The following DNAJC5 variants were observed in gnomAD, a reference collection of about 807,000 sequenced individuals.
The protein encoded by DNAJC5 is dnaJ homolog subfamily C member 5.
A neutral mutation model predicts 23.2 loss-of-function variants in DNAJC5; 1 was observed. The observed-to-expected ratio is 0.04, with a 90% CI of 0.02 to 0.20. The LOEUF (loss-of-function observed/expected upper bound fraction) is 0.20, where lower values mean the gene tolerates loss of function less well. Ranked by LOEUF, DNAJC5 falls within the 10% of genes least tolerant of loss-of-function variation. DNAJC5 has a pLI of 1.00. For missense variants in DNAJC5, 180 were observed against 267.0 expected (o/e 0.67, Z 2.27); for synonymous variants, 136 against 120.0 (o/e 1.13, Z -0.87).
Position 63,931,006 on chromosome 20 carries a change from G to A in DNAJC5, c.477G>A (p.Leu159=), listed in dbSNP as rs1457272157. The change falls in exon 4 of 5, where the codon CTG becomes CTA. Residue 159 remains leucine (L), a synonymous_variant. Coordinates refer to ENST00000360864, the MANE Select transcript of DNAJC5 (RefSeq NM_025219.3). This position sits in a 1 kb window ranked among gnomAD's most constrained non-coding sequence, Gnocchi z 9.6. ...CCCCCGAGGATCTGGAGGCACAGCT[G>A]CAGTCTGACGAGAGGGGTGAGTGCC... ...YVSPEDLEAQ[L]QSDEREATDT... 3 of 1,613,906 alleles carry A rather than the reference G, an allele frequency of 1.9e-6. No homozygotes were observed. Among genetic ancestry groups the A allele is most frequent in the Non-Finnish European group, 1.7e-6 (2 of 1,180,038 alleles).
At chr20:63,913,975 C>T (rs1378067364) in intron 1 of DNAJC5, among the ~76,000 whole-genome samples, 1 of 152,216 alleles carries the variant, frequency 6.6e-6, no homozygotes, top group African/African-American at 2.4e-5. Context: ...GCACTCCATC[C>T]TCCCACCCCT....
At chr20:63,912,057 C>G (rs940813727) in intron 1 of DNAJC5, among the ~76,000 whole-genome samples, 6 of 152,114 alleles carry the variant, frequency 3.9e-5, no homozygotes, top group Non-Finnish European at 5.9e-5. Context: ...AATCCCATCA[C>G]TTTGGGAGGC....
chr20:63,931,564 A>G lies in DNAJC5; in HGVS notation c.593A>G (p.Asn198Ser), dbSNP rs778299599. ...CCCAGCTACCACACTGACGGGTTCAACTAAATCCAGGAGGAGCTGTGGTCA... is the reference window on the plus strand; with the variant it reads ...CCCAGCTACCACACTGACGGGTTCAGCTAAATCCAGGAGGAGCTGTGGTCA... ...SHPSYHTDGF[N>S] Residue 198 changes from asparagine (N) to serine (S), a missense_variant, in exon 5 of 5, where the codon AAC becomes AGC. This residue lies in a region of DNAJC5 where 97 missense variants were observed against 123.4 expected (regional missense o/e 0.79). Coordinates refer to ENST00000360864, the MANE Select transcript of DNAJC5 (RefSeq NM_025219.3). This position sits in a 1 kb window ranked among gnomAD's most constrained non-coding sequence, Gnocchi z 9.6. 8 of 1,566,408 alleles carry G rather than the reference A, an allele frequency of 5.1e-6. No individual in the cohort carries two copies. The East Asian group carries it at 7.1e-5, about 14-fold the overall frequency.
chr20:63,912,730 C>T (rs1271733810), intron 1 of DNAJC5, among the ~76,000 whole-genome samples: 2 of 152,188 alleles, frequency 1.3e-5, no homozygotes. Flanking sequence ...GACTCAGCCT[C>T]ACGAGTAGCT....
rs1254202354 is a variant in DNAJC5 at position 63,896,396 on chromosome 20, G to T, written c.-12+1073G>T. Among the ~76,000 whole-genome samples, 11 of 152,196 alleles carry T rather than the reference G, an allele frequency of 7.2e-5. 1 individual carries two copies. Among genetic ancestry groups the T allele is most frequent in the Admixed American group, 7.2e-4 (11 of 15,272 alleles). On this transcript the variant is annotated intron_variant, in intron 1 of 4. Coordinates refer to ENST00000360864, the MANE Select transcript of DNAJC5 (RefSeq NM_025219.3). ...GTGTCGGTGCTGTAGGACTCGGGGT[G>T]GCTCCAGCTGGCGTCTGGCCCAGCA...
intron 1 of DNAJC5, among the ~76,000 whole-genome samples, chr20:63,902,336 G>T (rs1378146688): frequency 1.3e-5 from 2 of 151,012 alleles, no homozygotes; most frequent in Admixed American, 6.6e-5. Flanking sequence ...TTACAGGCGT[G>T]AGCCACTGCT....
At chr20:63,905,015 G>C (rs2053438246) in intron 1 of DNAJC5, among the ~76,000 whole-genome samples, 1 of 151,596 alleles carries the variant, frequency 6.6e-6, no homozygotes, top group African/African-American at 2.4e-5. Context: ...ATGTTGGCCA[G>C]GCTGGTCTCG....
At position 63,931,763 on chromosome 20, in the gene DNAJC5, G is replaced by A. The variant is rs180676568; in HGVS notation, c.*195G>A. ...CGTAGCATGCAGTATTTAAAGCAGT[G>A]TAGCTACGGTCTTCTGTTTTTTTCC... On this transcript the variant is annotated 3_prime_UTR_variant, in exon 5 of 5. Transcript: ENST00000360864. The surrounding 1 kb of genome is among the most constrained non-coding windows in gnomAD (Gnocchi z 9.6). The A allele has an allele frequency of 3.8e-4, 239 of 635,326 alleles. No individual in the cohort carries two copies. In the African/African-American group the frequency reaches 4.1e-3, roughly 11 times the overall value. 39.4% of individuals were successfully genotyped at this position (635,326 alleles called of 1,614,324 possible). A position where few individuals can be genotyped will look rare whatever the true frequency, so the allele number is the denominator to read the frequency against.
intron 1 of DNAJC5, among the ~76,000 whole-genome samples, chr20:63,898,426 C>T (rs540731335): frequency 2.5e-4 from 38 of 152,290 alleles, no homozygotes; most frequent in African/African-American, 8.9e-4. Context: ...AAACAGACCC[C>T]TGGGTCCTCG....
intron 3 of DNAJC5, among the ~76,000 whole-genome samples, chr20:63,930,601 C>T (rs555825221): frequency 1.2e-4 from 19 of 152,368 alleles, no homozygotes. Flanking sequence ...CCAGCCTCGG[C>T]CTCCTGGAGT....
intron 1 of DNAJC5, among the ~76,000 whole-genome samples, chr20:63,911,515 C>G (rs771368034): frequency 6.6e-6 from 1 of 152,156 alleles, no homozygotes; most frequent in African/African-American, 2.4e-5. Flanking sequence ...TTCACTTCCT[C>G]TCGTACTTGG....
In DNAJC5 at chr20:63,905,067, A is replaced by T. The variant is rs1287042610; in HGVS notation, c.-12+9744A>T. 3.3e-4 allele frequency among the ~76,000 whole-genome samples: 48 copies of T among 147,632 alleles called. 1 individual carries two copies. ...TGATCCGCCTGCCTCGGCCTCCCAAAGTGTCAGGATTATAGGGTGAGCCAC... is the reference window on the plus strand; with the variant it reads ...TGATCCGCCTGCCTCGGCCTCCCAATGTGTCAGGATTATAGGGTGAGCCAC... On this transcript the variant is annotated intron_variant, in intron 1 of 4. Coordinates refer to ENST00000360864, the MANE Select transcript of DNAJC5 (RefSeq NM_025219.3).
At position 63,917,164 on chromosome 20, in the gene DNAJC5, A is replaced by G. The variant is rs538305760; in HGVS notation, c.-11-11171A>G. ...GGTAAATGTCCATGAAATCTTCACA[A>G]TTTATGTTCCTTTGCCACAGCTCCA... On this transcript the variant is annotated intron_variant, in intron 1 of 4. Transcript: ENST00000360864. 3.9e-5 allele frequency among the ~76,000 whole-genome samples: 6 copies of G among 152,332 alleles called. No homozygotes were observed. The South Asian group carries it at 6.2e-4, about 16-fold the overall frequency.
intron 1 of DNAJC5, among the ~76,000 whole-genome samples, chr20:63,906,995 C>T (rs80249635): frequency 0.06 from 8,976 of 150,850 alleles, 440 homozygotes; most frequent in Non-Finnish European, 0.079. Flanking sequence ...CCAACTACTT[C>T]GGAGGGTTGC....
At position 63,931,341 on chromosome 20, in the gene DNAJC5, G is replaced by C. The variant is rs2053668670; in HGVS notation, c.494-124G>C. The C allele has an allele frequency of 1.0e-6, 1 of 995,452 alleles. No homozygotes were observed. Among genetic ancestry groups the C allele is most frequent in the Admixed American group, 2.0e-5 (1 of 50,182 alleles). The allele number at this position is 995,452 out of a possible 1,614,324, so 61.7% of individuals were successfully genotyped here. On this transcript the variant is annotated intron_variant, in intron 4 of 4. Coordinates refer to ENST00000360864, the MANE Select transcript of DNAJC5 (RefSeq NM_025219.3). This position sits in a 1 kb window ranked among gnomAD's most constrained non-coding sequence, Gnocchi z 9.6. ...CGGAGGAAAGCCGTGTGGGGTGGAG[G>C]TCAGCGAGTAGCCTCTCCCGGTGGA...
At chr20:63,905,767 C>T (rs1238906098) in intron 1 of DNAJC5, among the ~76,000 whole-genome samples, 1 of 145,550 alleles carries the variant, frequency 6.9e-6, no homozygotes, top group African/African-American at 2.6e-5. Flanking sequence ...CAAAGTCTTG[C>T]TCTGTCACCC....
chr20:63,903,453 A>C (rs936236052), intron 1 of DNAJC5, among the ~76,000 whole-genome samples: 1 of 152,068 alleles, frequency 6.6e-6, no homozygotes, highest in Non-Finnish European at 1.5e-5. Context: ...GACTACAGGC[A>C]TGCGCCACTA....
At chr20:63,909,939 G>C (rs1045123729) in intron 1 of DNAJC5, among the ~76,000 whole-genome samples, 1 of 152,178 alleles carries the variant, frequency 6.6e-6, no homozygotes, top group African/African-American at 2.4e-5. Flanking sequence ...ATCTTATGAA[G>C]AACACTTGTC....
At chr20:63,903,832 C>T (rs817376) in intron 1 of DNAJC5, among the ~76,000 whole-genome samples, 74,395 of 151,742 alleles carry the variant, frequency 0.49, 19,229 homozygotes, top group East Asian at 0.84. Flanking sequence ...ACACCTGTAA[C>T]CCCAACACTT....
Sources: allele counts gnomAD v4.1 joint callset (sites outside exome capture counted in the v4.1 genomes callset), GRCh38; gene constraint gnomAD v4.1.1; regional missense constraint gnomAD v4.1.1; non-coding constraint Gnocchi (gnomAD v3.1); transcripts MANE v1.5; gene names NCBI Gene and HGNC (gene_info 2026-07-23, HGNC 2026-07-21).